The following UMAD1 variants were observed in gnomAD, a reference collection of about 807,000 sequenced individuals.
UMAD1 encodes UBAP1-MVB12-associated (UMA)-domain containing protein 1.
In UMAD1, 8 loss-of-function variants were observed where a neutral mutation model predicts 6.1. The observed-to-expected ratio is 1.30, with a 90% CI of 0.76 to 2.35. The LOEUF (loss-of-function observed/expected upper bound fraction) is 2.35. UMAD1 is among the 30% of genes most tolerant of loss of function. The pLI, the probability that UMAD1 is intolerant of heterozygous loss-of-function variation, is 0.00. For missense variants in UMAD1, 130 were observed against 78.4 expected (o/e 1.66, Z -2.49); for synonymous variants, 56 against 31.4 (o/e 1.78, Z -2.61).
intron 2 of UMAD1, among the ~76,000 whole-genome samples, chr7:7,686,895 G>A (rs1196377059): frequency 6.6e-6 from 1 of 152,088 alleles, no homozygotes; most frequent in East Asian, 1.9e-4. Context: ...CCTCTCCCCT[G>A]CCCCCACTTC....
chr7:7,740,826 T>C (rs1448432343), intron 2 of UMAD1: 2 of 152,208 alleles, frequency 1.3e-5, no homozygotes, highest in Non-Finnish European at 2.9e-5. Flanking sequence ...TTTCTCCTTT[T>C]CTCTTTTAAC....
At chr7:7,732,166 A>G (rs1365220846) in intron 2 of UMAD1, among the ~76,000 whole-genome samples, 1 of 152,062 alleles carries the variant, frequency 6.6e-6, no homozygotes, top group Non-Finnish European at 1.5e-5. Context: ...GTTCCTTTTA[A>G]GAAAATATTC....
At chr7:7,875,448 C>T (rs73347336) in intron 3 of UMAD1, among the ~76,000 whole-genome samples, 8,761 of 151,944 alleles carry the variant, frequency 0.058, 810 homozygotes, top group African/African-American at 0.2. Context: ...ATTAACCAGA[C>T]TAGTAAAGAT....
intron 2 of UMAD1, among the ~76,000 whole-genome samples, chr7:7,685,347 G>T (rs1012108887): frequency 3.6e-5 from 5 of 140,324 alleles, no homozygotes; most frequent in African/African-American, 5.3e-5. Flanking sequence ...GTCTTGCTCT[G>T]TCTCCAGGCT....
intron 3 of UMAD1, among the ~76,000 whole-genome samples, chr7:7,832,479 A>G (rs754363033): frequency 7.9e-5 from 12 of 152,246 alleles, no homozygotes; most frequent in African/African-American, 2.4e-4. Context: ...AATCACTACA[A>G]TGTAACTTCT....
chr7:7,759,571 A>T (rs1305142157), intron 2 of UMAD1, among the ~76,000 whole-genome samples: 2 of 152,226 alleles, frequency 1.3e-5, no homozygotes, highest in Non-Finnish European at 2.9e-5. Flanking sequence ...AATCTAATGT[A>T]AAATTGTAAA....
In UMAD1 at chr7:7,763,769, A is replaced by G. The variant is rs188846053; in HGVS notation, c.83-37901A>G. ...AGAGTGATTTATGTAATAAGTAAAC[A>G]GTTCAGGTTTACTTGACTTAATAGC... On this transcript the variant is annotated intron_variant, in intron 2 of 3. Transcript: ENST00000682710. Among the ~76,000 whole-genome samples, 395 of 152,270 alleles carry G rather than the reference A, an allele frequency of 2.6e-3. 3 individuals carry two copies. Among genetic ancestry groups the G allele is most frequent in the African/African-American group, 9.1e-3 (378 of 41,546 alleles).
intron 2 of UMAD1, among the ~76,000 whole-genome samples, chr7:7,764,704 T>C (rs921296771): frequency 2.0e-5 from 3 of 152,240 alleles, no homozygotes; most frequent in Admixed American, 6.5e-5. Flanking sequence ...ATGTTGTCTA[T>C]ACTGGTCCAA....
intron 3 of UMAD1, among the ~76,000 whole-genome samples, chr7:7,811,013 T>C (rs918714074): frequency 1.3e-5 from 2 of 152,164 alleles, no homozygotes; most frequent in African/African-American, 4.8e-5. Flanking sequence ...GGAAATCACA[T>C]GGCCCAAACT....
At chr7:7,754,345 T>C (rs1382546058) in intron 2 of UMAD1, among the ~76,000 whole-genome samples, 4 of 152,252 alleles carry the variant, frequency 2.6e-5, no homozygotes, top group African/African-American at 9.6e-5. Flanking sequence ...GTTGCATTTC[T>C]CTGGTGATCA....
At chr7:7,674,409 G>C (rs1163871862) in intron 2 of UMAD1, among the ~76,000 whole-genome samples, 1 of 152,182 alleles carries the variant, frequency 6.6e-6, no homozygotes, top group Non-Finnish European at 1.5e-5. Context: ...CCAGAATAGA[G>C]TTTTTCTCGT....
intron 2 of UMAD1, among the ~76,000 whole-genome samples, chr7:7,747,691 A>C (rs1249645598): frequency 6.6e-6 from 1 of 152,194 alleles, no homozygotes; most frequent in South Asian, 2.1e-4. Context: ...TCTAGCATTG[A>C]GTCCACTAGG....
intron 2 of UMAD1, among the ~76,000 whole-genome samples, chr7:7,678,806 A>T (rs1260006677): frequency 2.4e-4 from 9 of 36,978 alleles, no homozygotes; most frequent in Admixed American, 7.7e-4. Flanking sequence ...TTATAAATAT[A>T]TTTATATATT....
chr7:7,701,127 T>C (rs1374271254), intron 2 of UMAD1, among the ~76,000 whole-genome samples: 2 of 152,192 alleles, frequency 1.3e-5, no homozygotes, highest in Non-Finnish European at 2.9e-5. Flanking sequence ...TCCAGTTGTG[T>C]ATTAGACATT....
intron 2 of UMAD1, among the ~76,000 whole-genome samples, chr7:7,752,388 A>G (rs553884032): frequency 6.6e-6 from 1 of 152,312 alleles, no homozygotes; most frequent in Non-Finnish European, 1.5e-5. Context: ...GAAAGACAAC[A>G]TAAAATGTCA....
intron 1 of UMAD1, among the ~76,000 whole-genome samples, chr7:7,646,333 G>T (rs961507443): frequency 6.6e-6 from 1 of 151,960 alleles, no homozygotes; most frequent in East Asian, 1.9e-4. Context: ...ATCTTGAATT[G>T]TAGCTCCCAT....
intron 1 of UMAD1, among the ~76,000 whole-genome samples, chr7:7,669,667 C>T (rs1779556624): frequency 1.3e-5 from 2 of 152,152 alleles, no homozygotes; most frequent in Non-Finnish European, 2.9e-5. Context: ...AACTAGGAAG[C>T]ATGTTCCCAC....
intron 3 of UMAD1, among the ~76,000 whole-genome samples, chr7:7,846,996 T>C (rs1278233963): frequency 3.8e-5 from 5 of 133,064 alleles, no homozygotes; most frequent in African/African-American, 1.5e-4. Context: ...GCATGGCACA[T>C]GTATACATAT....
intron 3 of UMAD1, among the ~76,000 whole-genome samples, chr7:7,869,980 A>T (rs1784305657): frequency 6.6e-6 from 1 of 152,198 alleles, no homozygotes; most frequent in Admixed American, 6.5e-5. Context: ...AAGATTTTTA[A>T]GATTGAACCT....
Sources: allele counts gnomAD v4.1 joint callset (sites outside exome capture counted in the v4.1 genomes callset), GRCh38; gene constraint gnomAD v4.1.1; transcripts MANE v1.5; gene names NCBI Gene and HGNC (gene_info 2026-07-23, HGNC 2026-07-21).